SUOX: variants seen among roughly 807,000 people sequenced by gnomAD.
SUOX encodes the protein sulfite oxidase, mitochondrial.
A neutral mutation model predicts 41.9 loss-of-function variants in SUOX; 39 were observed. That is an observed-to-expected ratio of 0.93 (90% CI 0.72 to 1.21). SUOX has a LOEUF of 1.21. Ranked by LOEUF, SUOX falls within the 50% of genes most tolerant of loss-of-function variation. The pLI is 0.00. For missense variants in SUOX, 633 were observed against 689.5 expected (o/e 0.92, Z 0.92); for synonymous variants, 220 against 268.4 (o/e 0.82, Z 1.76).
At chr12:56,000,734 CACCCAGCTCTTTT>C (rs1258984803) in intron 2 of SUOX, among the ~76,000 whole-genome samples, 1 of 152,222 alleles carries the variant, frequency 6.6e-6, no homozygotes, top group African/African-American at 2.4e-5. Flanking sequence ...TGAGCCACCA[CACCCAGCTCTTTT>C]ATTACAGTAT....
Position 56,003,950 on chromosome 12 carries a change from G to A in SUOX, c.561G>A (p.Lys187=), listed in dbSNP as rs758723608. The change falls in exon 5 of 5, where the codon AAG becomes AAA. Residue 187 remains lysine, a synonymous_variant. Transcript: ENST00000266971. ...ATCCTGTACGTCACCCAGCCCTGAAGGTCAACAGCCAGCGGCCCTTTAATG... is the reference window on the plus strand; with the variant it reads ...ATCCTGTACGTCACCCAGCCCTGAAAGTCAACAGCCAGCGGCCCTTTAATG... ...ADDPVRHPAL[K]VNSQRPFNAE... is the part of the protein sequence containing the mutation. 10 of 1,614,020 alleles carry A rather than the reference G, an allele frequency of 6.2e-6. No homozygotes were observed. Among genetic ancestry groups the A allele is most frequent in the Non-Finnish European group, 7.6e-6 (9 of 1,180,042 alleles).
chr12:56,002,288 C>T lies in SUOX; in HGVS notation c.50+17C>T. 5 of 1,609,750 alleles carry T rather than the reference C, an allele frequency of 3.1e-6. No homozygotes were observed. Among genetic ancestry groups the T allele is most frequent in the Non-Finnish European group, 3.4e-6 (4 of 1,179,942 alleles). ...GGCCTGCAGGTAGGCCAGCCCATCC[C>T]AGGACTTGCCTCCTAGCCCCTATCT... On this transcript the variant is annotated intron_variant, in intron 3 of 4. Coordinates refer to ENST00000266971, the MANE Select transcript of SUOX (RefSeq NM_001032386.2).
At chr12:56,002,320 C>T (rs771893618) in intron 3 of SUOX, 49 bp downstream of exon 3, 3 of 1,595,048 alleles carry the variant, frequency 1.9e-6, no homozygotes, top group African/African-American at 1.3e-5. Flanking sequence ...ATCTGCCACC[C>T]TTAGTGTCTT....
intron 2 of SUOX, among the ~76,000 whole-genome samples, chr12:56,000,054 C>T (rs1890455686): frequency 6.6e-6 from 1 of 152,222 alleles, no homozygotes; most frequent in Admixed American, 6.5e-5. Flanking sequence ...TCCACCTCCC[C>T]ACCAGACTCA....
intron 2 of SUOX, among the ~76,000 whole-genome samples, chr12:55,998,572 C>G (rs1472045684): frequency 1.1e-4 from 17 of 151,696 alleles, no homozygotes; most frequent in Admixed American, 7.9e-4. Flanking sequence ...GGAAGCCGGA[C>G]AGTGGCTCAT....
At chr12:55,997,821 C>T (rs1890362782) in intron 2 of SUOX, 98 bp downstream of exon 2, 1 of 152,300 alleles carries the variant, frequency 6.6e-6, no homozygotes, top group Admixed American at 6.6e-5. Flanking sequence ...TACCCACGAC[C>T]CACCCACCCC....
chr12:56,005,490 C>T lies in SUOX; in HGVS notation c.*463C>T. ...GGCACAACCGTCTCCCTTTATAGTT[C>T]TACTTTTCTAATAAATAGTCTGTTT... On this transcript the variant is annotated 3_prime_UTR_variant, in exon 5 of 5. Coordinates refer to ENST00000266971, the MANE Select transcript of SUOX (RefSeq NM_001032386.2). 2.6e-6 allele frequency: 1 copy of T among 384,474 alleles called. No individual in the cohort carries two copies. The allele number at this position is 384,474 out of a possible 1,614,324, so 23.8% of individuals were successfully genotyped here.
chr12:56,002,316 C>T (rs748091105), intron 3 of SUOX, 45 bp downstream of exon 3: 2 of 1,597,360 alleles, frequency 1.3e-6, no homozygotes, highest in Non-Finnish European at 8.5e-7. Flanking sequence ...CCCTATCTGC[C>T]ACCCTTAGTG....
At chr12:56,002,184 T>G in intron 2 of SUOX, 28 bp from the exon 3 acceptor site, 1 of 1,612,594 alleles carries the variant, frequency 6.2e-7, no homozygotes. Flanking sequence ...GGTCTCCCTA[T>G]CTTGATCCCA....
In SUOX at chr12:56,003,764, G is replaced by A. The variant is rs772009704; in HGVS notation, c.375G>A (p.Leu125=). The A allele has an allele frequency of 6.2e-7, 1 of 1,613,910 alleles. No homozygotes were observed. The highest frequency in any genetic ancestry group is 8.5e-7 in the Non-Finnish European group (1 of 1,179,890). ...VDLHPGGPSK[L]MLAAGGPLEP... is the part of the protein sequence containing the mutation. Reference sequence around the variant, plus strand: ...TACATCCAGGGGGGCCTTCAAAGCTGATGCTAGCAGCTGGGGGTCCCCTAG... The same window carrying A: ...TACATCCAGGGGGGCCTTCAAAGCTAATGCTAGCAGCTGGGGGTCCCCTAG... The change falls in exon 5 of 5, where the codon CTG becomes CTA. Residue 125 remains leucine, a synonymous_variant. Coordinates refer to ENST00000266971, the MANE Select transcript of SUOX (RefSeq NM_001032386.2).
chr12:56,000,485 G>A (rs1191238322), intron 2 of SUOX, among the ~76,000 whole-genome samples: 1 of 152,200 alleles, frequency 6.6e-6, no homozygotes, highest in Non-Finnish European at 1.5e-5. Flanking sequence ...CAGCTGGCCC[G>A]CAAGCTCCGC....
intron 2 of SUOX, among the ~76,000 whole-genome samples, chr12:56,001,052 T>C (rs1565796206): frequency 6.6e-6 from 1 of 151,498 alleles, no homozygotes; most frequent in African/African-American, 2.4e-5. Flanking sequence ...CCCAAAGTGC[T>C]GGGATTACAG....
At chr12:56,000,937 A>C (rs1474068542) in intron 2 of SUOX, among the ~76,000 whole-genome samples, 1 of 151,172 alleles carries the variant, frequency 6.6e-6, no homozygotes, top group East Asian at 2.0e-4. Context: ...CCCGCCGCCA[A>C]GCCCGGCTAA....
Position 56,004,436 on chromosome 12 carries a change from A to G in SUOX, c.1047A>G (p.Ala349=), listed in dbSNP as rs1329991686. Residue 349 remains alanine (A), a synonymous_variant, in exon 5 of 5, where the codon GCA becomes GCG. Coordinates refer to ENST00000266971, the MANE Select transcript of SUOX (RefSeq NM_001032386.2). This position sits in a 1 kb window ranked among gnomAD's most constrained non-coding sequence, Gnocchi z 4.5. ...AMDPEAEVLL[A]YEMNGQPLPR... Reference sequence around the variant, plus strand: ...ACCCTGAAGCTGAGGTCCTGCTGGCATATGAGATGAATGGGCAGCCTCTGC... The same window carrying G: ...ACCCTGAAGCTGAGGTCCTGCTGGCGTATGAGATGAATGGGCAGCCTCTGC... The G allele has an allele frequency of 1.2e-6, 2 of 1,614,116 alleles. No homozygotes were observed. The highest frequency in any genetic ancestry group is 1.7e-5 in the Admixed American group (1 of 60,022).
In SUOX at chr12:56,003,630, T is replaced by C; in HGVS notation, c.241T>C (p.Ser81Pro). The change falls in exon 5 of 5, where the codon TCA (serine) becomes CCA (proline). Residue 81 changes from serine (S) to proline (P), a missense_variant. Physicochemically the swap from Ser to Pro is moderately conservative, Grantham distance 74. Transcript: ENST00000266971. ...QDHRCRAAQE[S>P]THIYTKEEVS... ...TCCCTGCCAATAGGCTGCTCAGGAG[T>C]CAACACACATATACACTAAGGAGGA... is the stretch of plus-strand genomic sequence containing the variant. 1.2e-6 allele frequency: 2 copies of C among 1,614,042 alleles called. No individual in the cohort carries two copies. Among genetic ancestry groups the C allele is most frequent in the Non-Finnish European group, 1.7e-6 (2 of 1,180,000 alleles).
Position 56,004,402 on chromosome 12 carries a change from G to A in SUOX, c.1013G>A (p.Arg338Gln), listed in dbSNP as rs754116844. ...TAYGASIPLA[R>Q]AMDPEAEVLL... The stretch of plus-strand genomic sequence containing the variant: ...TATGGAGCATCCATCCCTCTGGCTC[G>A]GGCCATGGACCCTGAAGCTGAGGTC... Residue 338 changes from arginine (R) to glutamine (Q), a missense_variant, in exon 5 of 5, where the codon CGG becomes CAG. Coordinates refer to ENST00000266971, the MANE Select transcript of SUOX (RefSeq NM_001032386.2). This position sits in a 1 kb window ranked among gnomAD's most constrained non-coding sequence, Gnocchi z 4.5. The A allele has an allele frequency of 2.9e-5, 47 of 1,613,794 alleles. No homozygotes were observed. Among genetic ancestry groups the A allele is most frequent in the Admixed American group, 6.7e-5 (4 of 59,998 alleles).
At position 56,005,459 on chromosome 12, in the gene SUOX, G is replaced by A; in HGVS notation, c.*432G>A. 2.2e-6 allele frequency: 1 copy of A among 463,218 alleles called. No individual in the cohort carries two copies. The allele number at this position is 463,218 out of a possible 1,614,324, so 28.7% of individuals were successfully genotyped here. Reference sequence around the variant, plus strand: ...AGGTTGCCAGAGAGTTGCGAGGAGAGCAAGGGGCACAACCGTCTCCCTTTA... The same window carrying A: ...AGGTTGCCAGAGAGTTGCGAGGAGAACAAGGGGCACAACCGTCTCCCTTTA... On this transcript the variant is annotated 3_prime_UTR_variant, in exon 5 of 5. Coordinates refer to ENST00000266971, the MANE Select transcript of SUOX (RefSeq NM_001032386.2).
rs968459932 is a variant in SUOX at position 56,004,470 on chromosome 12, C to T, written c.1081C>T (p.His361Tyr). 1 of 1,614,086 alleles carries T rather than the reference C, an allele frequency of 6.2e-7. No individual in the cohort carries two copies. The highest frequency in any genetic ancestry group is 8.5e-7 in the Non-Finnish European group (1 of 1,180,020). Residue 361 changes from histidine to tyrosine, a missense_variant, in exon 5 of 5, where the codon CAC (histidine) becomes TAC (tyrosine). His to Tyr is a moderately conservative substitution (Grantham distance 83, BLOSUM62 2). Coordinates refer to ENST00000266971, the MANE Select transcript of SUOX (RefSeq NM_001032386.2). This position sits in a 1 kb window ranked among gnomAD's most constrained non-coding sequence, Gnocchi z 4.5. ...GAATGGGCAGCCTCTGCCACGTGACCACGGCTTCCCTGTGCGTGTGGTGGT... is the reference window on the plus strand; with the variant it reads ...GAATGGGCAGCCTCTGCCACGTGACTACGGCTTCCCTGTGCGTGTGGTGGT... ...EMNGQPLPRD[H>Y]GFPVRVVVPG...
At chr12:56,002,461 C>G in intron 3 of SUOX, 82 bp from the exon 4 acceptor site, 1 of 1,590,172 alleles carries the variant, frequency 6.3e-7, no homozygotes, top group Non-Finnish European at 8.6e-7. Context: ...AATGGCCAAC[C>G]AGGGAGAAAG....
Sources: allele counts gnomAD v4.1 joint callset (sites outside exome capture counted in the v4.1 genomes callset), GRCh38; gene constraint gnomAD v4.1.1; non-coding constraint Gnocchi (gnomAD v3.1); transcripts MANE v1.5; gene names NCBI Gene and HGNC (gene_info 2026-07-23, HGNC 2026-07-21).